Variants in ZNF610 observed in about 807,000 individuals in gnomAD.
ZNF610 encodes zinc finger protein 610, also known as zink finger protein.
A neutral mutation model predicts 14.1 loss-of-function variants in ZNF610; 14 were observed. That is an observed-to-expected ratio of 0.99 (90% CI 0.65 to 1.55). The LOEUF is 1.55. Among genes scored for constraint, ZNF610 ranks in the 40% most tolerant of loss-of-function variants. The probability of loss-of-function intolerance (pLI) is 0.00; values close to 1 mark genes in which losing one functional copy is unlikely to be tolerated. For missense variants in ZNF610, 530 were observed against 558.0 expected, an observed-to-expected ratio of 0.95 and a Z score of 0.51; for synonymous variants, 185 against 187.6, an observed-to-expected ratio of 0.99 and a Z score of 0.11.
In ZNF610 at chr19:52,365,646, G is replaced by T. The variant is rs745626527; in HGVS notation, c.320-52G>T. On this transcript the variant is annotated intron_variant, in intron 5 of 5. Coordinates refer to ENST00000403906, the MANE Select transcript of ZNF610 (RefSeq NM_001161425.2). The stretch of plus-strand genomic sequence containing the variant: ...GCTGATTCTGGTCCCTCCACCAGAC[G>T]GTAAACATGCCAGAATCATGGGTTC... The T allele has an allele frequency of 2.0e-6, 3 of 1,502,784 alleles. No individual in the cohort carries two copies. The South Asian group carries it at 4.0e-5, about 20-fold the overall frequency. The allele number at this position is 1,502,784 out of a possible 1,614,324, so 93.1% of individuals were successfully genotyped here.
rs1477351679 is a variant in ZNF610 at position 52,347,834 on chromosome 19, A to G, written c.-130A>G. On this transcript the variant is annotated 5_prime_UTR_variant, in exon 2 of 6. Coordinates refer to ENST00000403906, the MANE Select transcript of ZNF610 (RefSeq NM_001161425.2). Reference sequence around the variant, plus strand: ...CACTACGCCTGGCCAAGTATTCGGTATTTATAAAATCTACAGTAGTACACA... The same window carrying G: ...CACTACGCCTGGCCAAGTATTCGGTGTTTATAAAATCTACAGTAGTACACA... 3 of 152,130 alleles carry G rather than the reference A, an allele frequency of 2.0e-5. No homozygotes were observed. Among genetic ancestry groups the G allele is most frequent in the Middle Eastern group, 3.2e-3 (1 of 316 alleles). 9.4% of individuals were successfully genotyped at this position (152,130 alleles called of 1,614,324 possible).
At position 52,366,998 on chromosome 19, in the gene ZNF610, C is replaced by T. The variant is rs1986132653; in HGVS notation, c.*231C>T. 1 of 479,172 alleles carries T rather than the reference C, an allele frequency of 2.1e-6. No individual in the cohort carries two copies. Among genetic ancestry groups the T allele is most frequent in the Admixed American group, 3.7e-5 (1 of 26,882 alleles). 29.7% of individuals were successfully genotyped at this position (479,172 alleles called of 1,614,324 possible). ...ATCAGAATAGAGCATTTAATGAAAA[C>T]TACCAGTATAGCATATTCTTGAGTA... On this transcript the variant is annotated 3_prime_UTR_variant, in exon 6 of 6. Coordinates refer to ENST00000403906, the MANE Select transcript of ZNF610 (RefSeq NM_001161425.2).
intron 5 of ZNF610, among the ~76,000 whole-genome samples, chr19:52,360,061 A>C (rs573335851): frequency 3.6e-4 from 55 of 152,230 alleles, no homozygotes; most frequent in Non-Finnish European, 7.3e-4. Flanking sequence ...AGGAAGCTCC[A>C]TGTGTTCAGC....
chr19:52,364,767 G>A (rs984591232), intron 5 of ZNF610, among the ~76,000 whole-genome samples: 1 of 152,106 alleles, frequency 6.6e-6, no homozygotes, highest in African/African-American at 2.4e-5. Context: ...TAGCAGAGAT[G>A]AGGTTTCACC....
intron 5 of ZNF610, among the ~76,000 whole-genome samples, chr19:52,355,919 C>T (rs1312352405): frequency 6.6e-6 from 1 of 152,228 alleles, no homozygotes; most frequent in Non-Finnish European, 1.5e-5. Context: ...CCATAGTTCA[C>T]GAGCGGCTTC....
intron 1 of ZNF610, among the ~76,000 whole-genome samples, chr19:52,346,257 C>T (rs1336304915): frequency 2.0e-5 from 3 of 150,620 alleles, no homozygotes; most frequent in Admixed American, 1.3e-4. Flanking sequence ...GTCTGCCTTC[C>T]GGGTTCCAGC....
intron 3 of ZNF610, among the ~76,000 whole-genome samples, chr19:52,352,313 A>G (rs1985295908): frequency 6.6e-6 from 1 of 152,016 alleles, no homozygotes; most frequent in Non-Finnish European, 1.5e-5. Context: ...ATCTCGGCTC[A>G]CTGCAACCTC....
At chr19:52,345,860 A>G (rs954949020) in intron 1 of ZNF610, among the ~76,000 whole-genome samples, 1 of 151,198 alleles carries the variant, frequency 6.6e-6, no homozygotes, top group Admixed American at 6.6e-5. Flanking sequence ...GCTCACCACC[A>G]CGCCCAGCTA....
intron 5 of ZNF610, among the ~76,000 whole-genome samples, chr19:52,356,799 A>ACACT (rs1985542073): frequency 6.6e-6 from 1 of 152,240 alleles, no homozygotes; most frequent in Non-Finnish European, 1.5e-5. Context: ...AAATACCATT[A>ACACT]CACTGACTTG....
intron 1 of ZNF610, among the ~76,000 whole-genome samples, chr19:52,339,067 G>A (rs1434643975): frequency 1.3e-5 from 2 of 152,020 alleles, no homozygotes; most frequent in Admixed American, 1.3e-4. Context: ...TCATAAATAA[G>A]GAAACGTGCT....
Position 52,366,685 on chromosome 19 carries a change from T to C in ZNF610, c.1307T>C (p.Val436Ala). 1 of 1,614,208 alleles carries C rather than the reference T, an allele frequency of 6.2e-7. No homozygotes were observed. The highest frequency in any genetic ancestry group is 8.5e-7 in the Non-Finnish European group (1 of 1,180,030). ...RPYKCNACGK[V>A]FNQNPHLSRH... Reference sequence around the variant, plus strand: ...TACAAGTGTAATGCATGTGGCAAGGTCTTCAATCAAAATCCACACCTTTCA... The same window carrying C: ...TACAAGTGTAATGCATGTGGCAAGGCCTTCAATCAAAATCCACACCTTTCA... The change falls in exon 6 of 6, where the codon GTC becomes GCC. Residue 436 changes from valine (V) to alanine (A), a missense_variant. By Grantham distance (64) the Val-to-Ala change is moderately conservative (BLOSUM62 0). Transcript: ENST00000403906.
chr19:52,333,341 G>A (rs1260099922), upstream of ZNF610, among the ~76,000 whole-genome samples: 1 of 152,200 alleles, frequency 6.6e-6, no homozygotes, highest in Non-Finnish European at 1.5e-5. Flanking sequence ...GACAAGGCCT[G>A]CCCAGGCTGG....
At chr19:52,338,338 G>T (rs1984480151) in intron 1 of ZNF610, among the ~76,000 whole-genome samples, 1 of 152,196 alleles carries the variant, frequency 6.6e-6, no homozygotes, top group Admixed American at 6.5e-5. Context: ...TATTACAAAG[G>T]ATACAGATGA....
In ZNF610 at chr19:52,366,816, G is replaced by A. The variant is rs768533151; in HGVS notation, c.*49G>A. The A allele has an allele frequency of 7.0e-7, 1 of 1,434,318 alleles. No homozygotes were observed. Among genetic ancestry groups the A allele is most frequent in the Non-Finnish European group, 9.5e-7 (1 of 1,047,702 alleles). The allele number at this position is 1,434,318 out of a possible 1,614,324, so 88.8% of individuals were successfully genotyped here. A position where few individuals can be genotyped will look rare whatever the true frequency, so the allele number is the denominator to read the frequency against. On this transcript the variant is annotated 3_prime_UTR_variant, in exon 6 of 6. Transcript: ENST00000403906. ...ATTCACACCTAGCACAACATTGGAG[G>A]ACTCAGGAGAAAAACCTTACAAATA...
intron 5 of ZNF610, among the ~76,000 whole-genome samples, chr19:52,358,920 A>G (rs1020415390): frequency 5.3e-5 from 8 of 152,188 alleles, no homozygotes; most frequent in Non-Finnish European, 7.3e-5. Context: ...CTCTCGTTAC[A>G]TGGTCTTGGC....
At chr19:52,356,950 G>T (rs1985548555) in intron 5 of ZNF610, among the ~76,000 whole-genome samples, 1 of 152,156 alleles carries the variant, frequency 6.6e-6, no homozygotes, top group Non-Finnish European at 1.5e-5. Flanking sequence ...AATCAGTTCT[G>T]CAGTGGCTAC....
chr19:52,343,704 T>A (rs990649192), intron 1 of ZNF610, among the ~76,000 whole-genome samples: 2 of 152,092 alleles, frequency 1.3e-5, no homozygotes, highest in African/African-American at 4.8e-5. Flanking sequence ...CAAGAACAGG[T>A]CATGTCCATA....
the ZNF610 span, among the ~76,000 whole-genome samples, chr19:52,331,215 T>C: frequency 6.6e-6 from 1 of 152,188 alleles, no homozygotes; most frequent in Non-Finnish European, 1.5e-5. Context: ...GTATACACCT[T>C]TGATAGGATG....
At chr19:52,358,079 G>A (rs974788149) in intron 5 of ZNF610, among the ~76,000 whole-genome samples, 11 of 152,160 alleles carry the variant, frequency 7.2e-5, no homozygotes, top group Middle Eastern at 3.4e-3. Context: ...TTGTCTTTTT[G>A]TCTTTGTATG....
Sources: allele counts gnomAD v4.1 joint callset (sites outside exome capture counted in the v4.1 genomes callset), GRCh38; gene constraint gnomAD v4.1.1; transcripts MANE v1.5; gene names NCBI Gene and HGNC (gene_info 2026-07-23, HGNC 2026-07-21).